Variants in CADPS observed in about 807,000 individuals in gnomAD.
CADPS encodes the protein calcium dependent secretion activator.
In CADPS, 57 loss-of-function variants were observed where a neutral mutation model predicts 167.3. That is an observed-to-expected ratio of 0.34 (90% confidence interval 0.28 to 0.42). CADPS has a LOEUF of 0.42. Among genes scored for constraint, CADPS ranks in the 20% least tolerant of loss-of-function variants. The pLI is 1.00. For missense variants in CADPS, 1,414 were observed against 1,738.1 expected (o/e 0.81, Z 3.32); for synonymous variants, 676 against 635.3 (o/e 1.06, Z -0.96).
At chr3:62,513,553 T>G in intron 16 of CADPS, 2 of 835,706 alleles carry the variant, frequency 2.4e-6, no homozygotes, top group Non-Finnish European at 3.8e-6. Context: ...GCAAGGAGAG[T>G]GAGTTGGTTT....
At chr3:62,820,486 T>C (rs2094850841) in intron 1 of CADPS, among the ~76,000 whole-genome samples, 1 of 152,190 alleles carries the variant, frequency 6.6e-6, no homozygotes, top group Non-Finnish European at 1.5e-5. Flanking sequence ...CAGAGCCTAC[T>C]GTATGAAGTG....
At chr3:62,596,290 G>T (rs2058931346) in intron 6 of CADPS, among the ~76,000 whole-genome samples, 1 of 151,510 alleles carries the variant, frequency 6.6e-6, no homozygotes. Context: ...CTGCCTCCCG[G>T]GTACAAGTGA....
At chr3:62,607,731 G>A (rs889101661) in intron 6 of CADPS, among the ~76,000 whole-genome samples, 9 of 152,158 alleles carry the variant, frequency 5.9e-5, no homozygotes, top group Non-Finnish European at 1.2e-4. Flanking sequence ...CTGCTTTCAT[G>A]GGCTGGGTTC....
rs555925776 is a variant in CADPS at position 62,433,760 on chromosome 3, A to G, written c.3777+4344T>C. On this transcript the variant is annotated intron_variant, in intron 28 of 29. Transcript: ENST00000383710. This position sits in a 1 kb window ranked among gnomAD's most constrained non-coding sequence, Gnocchi z 4.7. ...ATTTTCTTCTCAGTCTGTGTCTTCA[A>G]GAAGTACAAGGAAGAAAGAAAATTA... is the stretch of plus-strand genomic sequence containing the variant. Among the ~76,000 whole-genome samples the G allele has an allele frequency of 6.6e-6, 1 of 152,332 alleles. No individual in the cohort carries two copies. Among genetic ancestry groups the G allele is most frequent in the African/African-American group, 2.4e-5 (1 of 41,574 alleles).
At chr3:62,531,325 C>A (rs550108716) in intron 13 of CADPS, among the ~76,000 whole-genome samples, 1 of 152,022 alleles carries the variant, frequency 6.6e-6, no homozygotes, top group South Asian at 2.1e-4. Context: ...TGCACAGATA[C>A]CCCCCAGGTA....
intron 2 of CADPS, among the ~76,000 whole-genome samples, chr3:62,755,195 C>T (rs1444005557): frequency 4.6e-5 from 7 of 152,164 alleles, no homozygotes; most frequent in African/African-American, 1.7e-4. Context: ...CCTTCCTTCC[C>T]TGCAGGGTTC....
chr3:62,628,113 T>C (rs1473807889), intron 6 of CADPS, among the ~76,000 whole-genome samples: 2 of 152,196 alleles, frequency 1.3e-5, no homozygotes, highest in African/African-American at 4.8e-5. Flanking sequence ...GAAGGCGTTC[T>C]GCTGTGTGAC....
chr3:62,666,493 T>C (rs895419465), intron 3 of CADPS, among the ~76,000 whole-genome samples: 10 of 152,178 alleles, frequency 6.6e-5, no homozygotes, highest in Non-Finnish European at 7.3e-5. Context: ...AAAGATCAGC[T>C]GGAGAACCAA....
chr3:62,443,485 C>T (rs554466038), intron 27 of CADPS, among the ~76,000 whole-genome samples: 1 of 152,192 alleles, frequency 6.6e-6, no homozygotes, highest in East Asian at 1.9e-4. Context: ...TGTGTCCCCA[C>T]CCAAATCTCA....
At position 62,574,245 on chromosome 3, in the gene CADPS, C is replaced by G. The variant is rs1483026331; in HGVS notation, c.1578-3307G>C. Among the ~76,000 whole-genome samples, 4 of 152,264 alleles carry G rather than the reference C, an allele frequency of 2.6e-5. No homozygotes were observed. The East Asian group carries it at 7.7e-4, about 29-fold the overall frequency. On this transcript the variant is annotated intron_variant, in intron 8 of 29. Coordinates refer to ENST00000383710, the MANE Select transcript of CADPS (RefSeq NM_003716.4). Reference sequence around the variant, plus strand: ...CTCTTAAATGGGTAAATCAGATCGCCAGTATGCTGATTCTAAATATGAATG... The same window carrying G: ...CTCTTAAATGGGTAAATCAGATCGCGAGTATGCTGATTCTAAATATGAATG...
intron 9 of CADPS, among the ~76,000 whole-genome samples, chr3:62,562,889 T>G (rs2079429813): frequency 6.6e-6 from 1 of 152,250 alleles, no homozygotes; most frequent in Admixed American, 6.5e-5. Flanking sequence ...GAAAGCTAAC[T>G]GAGGGCCTGT....
Position 62,514,473 on chromosome 3 carries a change from AAAG to A in CADPS, c.2581+1583_2581+1585del, listed in dbSNP as rs1170840763. Reference sequence around the variant, plus strand: ...CTTCTCTGAAAAGAGAGTTGAAAAAAAAGAATTGGTTTCTTCAAAGAATCCCCA... The same window carrying A: ...CTTCTCTGAAAAGAGAGTTGAAAAAAAATTGGTTTCTTCAAAGAATCCCCA... On this transcript the variant is annotated intron_variant, in intron 16 of 29. Transcript: ENST00000383710. The surrounding 1 kb of genome is among the most constrained non-coding windows in gnomAD (Gnocchi z 4.2). Among the ~76,000 whole-genome samples the A allele has an allele frequency of 6.6e-6, 1 of 152,114 alleles. No individual in the cohort carries two copies. Among genetic ancestry groups the A allele is most frequent in the African/African-American group, 2.4e-5 (1 of 41,440 alleles).
intron 3 of CADPS, among the ~76,000 whole-genome samples, chr3:62,703,785 T>G (rs960236068): frequency 9.2e-5 from 14 of 152,086 alleles, no homozygotes; most frequent in Admixed American, 6.6e-4. Flanking sequence ...GTATTTTCCT[T>G]TAGTTGAAAA....
chr3:62,800,506 G>T (rs192466965), intron 1 of CADPS, among the ~76,000 whole-genome samples: 7 of 152,050 alleles, frequency 4.6e-5, no homozygotes, highest in African/African-American at 1.7e-4. Context: ...AAATTTACTG[G>T]GAAGATATTT....
chr3:62,442,588 C>T (rs1253913492), intron 27 of CADPS, among the ~76,000 whole-genome samples: 2 of 152,194 alleles, frequency 1.3e-5, no homozygotes, highest in Non-Finnish European at 2.9e-5. Flanking sequence ...TACCAATTTG[C>T]ATGGTGTAAA....
intron 1 of CADPS, among the ~76,000 whole-genome samples, chr3:62,860,577 C>A (rs575638583): frequency 1.3e-5 from 2 of 152,282 alleles, no homozygotes; most frequent in South Asian, 4.1e-4. Flanking sequence ...TGGACTTGCA[C>A]AGTTCAAACC....
chr3:62,768,747 A>G (rs2087657777), intron 1 of CADPS, among the ~76,000 whole-genome samples: 1 of 152,222 alleles, frequency 6.6e-6, no homozygotes, highest in Non-Finnish European at 1.5e-5. Context: ...ACATTAAATT[A>G]TGATTCAGGA....
At chr3:62,554,632 A>G (rs114804989) in intron 10 of CADPS, among the ~76,000 whole-genome samples, 375 of 152,316 alleles carry the variant, frequency 2.5e-3, no homozygotes, top group African/African-American at 8.3e-3. Flanking sequence ...TCCAGCTGGC[A>G]AATGTTACTG....
chr3:62,841,022 T>C (rs556288811), intron 1 of CADPS, among the ~76,000 whole-genome samples: 1 of 152,326 alleles, frequency 6.6e-6, no homozygotes, highest in South Asian at 2.1e-4. Flanking sequence ...CATCTAAAAG[T>C]CCATTTTTGT....
Sources: allele counts gnomAD v4.1 joint callset (sites outside exome capture counted in the v4.1 genomes callset), GRCh38; gene constraint gnomAD v4.1.1; non-coding constraint Gnocchi (gnomAD v3.1); transcripts MANE v1.5; gene names NCBI Gene and HGNC (gene_info 2026-07-23, HGNC 2026-07-21).